The following RNMT variants were observed in gnomAD, a reference collection of about 807,000 sequenced individuals.
RNMT encodes the protein RNA guanine-7 methyltransferase, also known as mRNA cap guanine-N(7) methyltransferase.
A neutral mutation model predicts 56.0 loss-of-function variants in RNMT; 27 were observed. That is an observed-to-expected ratio of 0.48 (90% CI 0.36 to 0.67). RNMT has a LOEUF of 0.67. Ranked by LOEUF, RNMT falls within the 30% of genes least tolerant of loss-of-function variation. The pLI is 0.00. For synonymous variants in RNMT, 184 were observed against 176.2 expected (o/e 1.04, Z -0.35); for missense variants, 519 against 552.1 (o/e 0.94, Z 0.60).
chr18:13,729,031 C>T (rs1210178679), intron 1 of RNMT, among the ~76,000 whole-genome samples: 1 of 152,104 alleles, frequency 6.6e-6, no homozygotes, highest in Non-Finnish European at 1.5e-5. Context: ...TGAGGTCTTA[C>T]CACAAAAATC....
intron 3 of RNMT, among the ~76,000 whole-genome samples, chr18:13,733,410 C>T (rs2044107423): frequency 6.6e-6 from 1 of 152,100 alleles, no homozygotes; most frequent in African/African-American, 2.4e-5. Context: ...GAGAGTCTCG[C>T]TCTGTTGCCC....
chr18:13,743,050 C>T (rs1310067675), intron 8 of RNMT: 20 of 156,610 alleles, frequency 1.3e-4, no homozygotes, highest in Admixed American at 9.2e-4. Context: ...TCCGGCCGGG[C>T]GCGGTGGCTC....
At chr18:13,741,888 G>C (rs1461082969) in intron 7 of RNMT, among the ~76,000 whole-genome samples, 197 bp downstream of exon 7, 1 of 152,166 alleles carries the variant, frequency 6.6e-6, no homozygotes. Context: ...GTTCATCTTT[G>C]TGTGTAAGTT....
intron 2 of RNMT, 116 bp from the exon 3 acceptor site, chr18:13,731,360 A>G (rs2044064208): frequency 5.7e-6 from 3 of 524,300 alleles, no homozygotes; most frequent in Non-Finnish European, 9.9e-6. Context: ...GTGAGCCGAG[A>G]TCATGCCATT....
At chr18:13,745,972 CT>C (rs1281396002) in intron 8 of RNMT, among the ~76,000 whole-genome samples, 4 of 151,810 alleles carry the variant, frequency 2.6e-5, no homozygotes, top group Non-Finnish European at 4.4e-5. Flanking sequence ...GCTCCGGAGA[CT>C]CTCATTTACT....
chr18:13,743,585 G>A (rs2149094559), intron 8 of RNMT, among the ~76,000 whole-genome samples: 1 of 152,154 alleles, frequency 6.6e-6, no homozygotes, highest in African/African-American at 2.4e-5. Flanking sequence ...AGGCTTCAAG[G>A]CCTTGTGATA....
chr18:13,728,445 C>T (rs2149078649), intron 1 of RNMT, among the ~76,000 whole-genome samples: 1 of 151,300 alleles, frequency 6.6e-6, no homozygotes, highest in Non-Finnish European at 1.5e-5. Flanking sequence ...AAGCGATTCT[C>T]ATGCCTCAGC....
In RNMT at chr18:13,762,869, A is replaced by C. The variant is rs2044637082; in HGVS notation, c.*2890A>C. 3.2e-6 allele frequency: 1 copy of C among 308,274 alleles called. No individual in the cohort carries two copies. The highest frequency in any genetic ancestry group is 6.5e-6 in the Non-Finnish European group (1 of 153,006). 19.1% of individuals were successfully genotyped at this position (308,274 alleles called of 1,614,324 possible). A position where few individuals can be genotyped will look rare whatever the true frequency, so the allele number is the denominator to read the frequency against. ...TACTCTTCAAGTATCTTTGTAATGA[A>C]GGTTTGGCTACTTGTATAGGTCTGC... On this transcript the variant is annotated 3_prime_UTR_variant, in exon 12 of 12. Coordinates refer to ENST00000383314, the MANE Select transcript of RNMT (RefSeq NM_003799.3).
At chr18:13,735,589 C>T (rs1453472362) in intron 4 of RNMT, among the ~76,000 whole-genome samples, 1 of 148,378 alleles carries the variant, frequency 6.7e-6, no homozygotes, top group Non-Finnish European at 1.5e-5. Context: ...AATTTCTTTT[C>T]AGCCTTTCTC....
chr18:13,745,187 G>A (rs2044331466), intron 8 of RNMT, among the ~76,000 whole-genome samples: 1 of 152,222 alleles, frequency 6.6e-6, no homozygotes, highest in African/African-American at 2.4e-5. Context: ...TCGAGACCAT[G>A]TTCTGTATCC....
chr18:13,742,757 G>T (rs1486062705), intron 8 of RNMT, 105 bp downstream of exon 8: 2 of 791,492 alleles, frequency 2.5e-6, no homozygotes, highest in Non-Finnish European at 3.8e-6. Flanking sequence ...GAGGGCTAAA[G>T]AAAAAGTATA....
chr18:13,746,184 T>A, intron 8 of RNMT, 36 bp from the exon 9 acceptor site: 1 of 1,075,432 alleles, frequency 9.3e-7, no homozygotes, highest in South Asian at 1.4e-5. Context: ...TACAAACATG[T>A]GGAAGCTTTT....
At chr18:13,752,661 TA>T (rs1223468972) in intron 10 of RNMT, among the ~76,000 whole-genome samples, 1 of 152,176 alleles carries the variant, frequency 6.6e-6, no homozygotes, top group Non-Finnish European at 1.5e-5. Context: ...GTGAAAAAAT[TA>T]CAGGGTTGGT....
chr18:13,748,494 G>T (rs1283552207), intron 9 of RNMT, among the ~76,000 whole-genome samples: 1 of 152,182 alleles, frequency 6.6e-6, no homozygotes, highest in Non-Finnish European at 1.5e-5. Flanking sequence ...AGAGCAGTCG[G>T]ATGCCACTGC....
chr18:13,756,508 G>T (rs1019331690), intron 11 of RNMT, among the ~76,000 whole-genome samples: 2 of 152,144 alleles, frequency 1.3e-5, no homozygotes, highest in African/African-American at 4.8e-5. Context: ...AGCTGTGAGT[G>T]CTGACATGCT....
At chr18:13,747,531 T>A (rs1568509275) in intron 9 of RNMT, among the ~76,000 whole-genome samples, 3 of 152,132 alleles carry the variant, frequency 2.0e-5, no homozygotes, top group Non-Finnish European at 4.4e-5. Context: ...GTTTTCACAT[T>A]TTTTTAGTGG....
chr18:13,727,888 A>T (rs1162695656), intron 1 of RNMT, among the ~76,000 whole-genome samples: 1 of 152,232 alleles, frequency 6.6e-6, no homozygotes, highest in Non-Finnish European at 1.5e-5. Context: ...ACATAATGAC[A>T]TCCGGTTTCA....
At chr18:13,745,144 A>G (rs1384092313) in intron 8 of RNMT, among the ~76,000 whole-genome samples, 2 of 152,144 alleles carry the variant, frequency 1.3e-5, no homozygotes, top group African/African-American at 4.8e-5. Flanking sequence ...GCTGTCCCAA[A>G]ATGAGGCAGC....
At chr18:13,733,100 A>G (rs2044100737) in intron 3 of RNMT, among the ~76,000 whole-genome samples, 1 of 152,038 alleles carries the variant, frequency 6.6e-6, no homozygotes, top group African/African-American at 2.4e-5. Context: ...AACTTTTACT[A>G]GCCCCAGAAC....
Sources: gnomAD v4.1 joint callset for allele counts (sites outside exome capture counted in the v4.1 genomes callset) on GRCh38, gnomAD v4.1.1 for gene constraint, MANE v1.5 for transcripts, NCBI Gene and HGNC (gene_info 2026-07-23, HGNC 2026-07-21) for gene names.